The following YAE1 variants were observed in gnomAD, a reference collection of about 807,000 sequenced individuals.
YAE1 encodes the protein protein YAE1 homolog.
In YAE1, 22 loss-of-function variants were observed where a neutral mutation model predicts 23.0. The observed-to-expected ratio is 0.96, with a 90% CI of 0.68 to 1.37. The LOEUF (loss-of-function observed/expected upper bound fraction) is 1.37, where lower values mean the gene tolerates loss of function less well. Among genes scored for constraint, YAE1 ranks in the 40% most tolerant of loss-of-function variants. The probability of loss-of-function intolerance (pLI) is 0.00; values close to 1 mark genes in which losing one functional copy is unlikely to be tolerated. For synonymous variants in YAE1, 101 were observed against 97.0 expected (o/e 1.04, Z -0.24); for missense variants, 260 against 262.1 (o/e 0.99, Z 0.06).
chr7:39,593,380 T>G (rs1451582545), intron 2 of YAE1, among the ~76,000 whole-genome samples: 1 of 151,940 alleles, frequency 6.6e-6, no homozygotes, highest in Non-Finnish European at 1.5e-5. Context: ...AGATGGGGTT[T>G]TACCATGTAG....
intron 2 of YAE1, among the ~76,000 whole-genome samples, chr7:39,606,633 A>G (rs904690263): frequency 6.6e-6 from 1 of 152,228 alleles, no homozygotes; most frequent in African/African-American, 2.4e-5. Flanking sequence ...TGCACACACA[A>G]AAGGGTGTGC....
chr7:39,602,468 A>G (rs958220138), intron 2 of YAE1, among the ~76,000 whole-genome samples: 2 of 152,226 alleles, frequency 1.3e-5, no homozygotes, highest in Admixed American at 6.5e-5. Context: ...AGAACTCTTT[A>G]GCATCAGAAA....
intron 2 of YAE1, among the ~76,000 whole-genome samples, chr7:39,589,439 T>C (rs1254236119): frequency 1.3e-5 from 2 of 152,038 alleles, no homozygotes; most frequent in African/African-American, 4.8e-5. Flanking sequence ...GGCTAATTTT[T>C]TTAATTTTTG....
chr7:39,574,942 G>A (rs1407194475), downstream of YAE1, among the ~76,000 whole-genome samples: 1 of 152,088 alleles, frequency 6.6e-6, no homozygotes, highest in Non-Finnish European at 1.5e-5. Context: ...GACTGCAGAG[G>A]AATGTTAATG....
At chr7:39,578,074 T>C (rs1405594521) in intron 2 of YAE1, among the ~76,000 whole-genome samples, 1 of 150,936 alleles carries the variant, frequency 6.6e-6, no homozygotes, top group African/African-American at 2.4e-5. Flanking sequence ...GGTTTGTGAA[T>C]ACACCAATCA....
intron 2 of YAE1, among the ~76,000 whole-genome samples, chr7:39,603,389 C>G (rs2876861): frequency 0.026 from 3,952 of 152,178 alleles, 97 homozygotes; most frequent in East Asian, 0.11. Flanking sequence ...CCGCCTGCCT[C>G]GGCCTCCCAA....
intron 2 of YAE1, among the ~76,000 whole-genome samples, chr7:39,596,668 T>C (rs1790979368): frequency 6.6e-6 from 1 of 152,232 alleles, no homozygotes; most frequent in African/African-American, 2.4e-5. Context: ...TGTGCATATT[T>C]ACATTAAATT....
intron 2 of YAE1, among the ~76,000 whole-genome samples, chr7:39,578,168 C>G (rs1422709954): frequency 6.6e-6 from 1 of 151,822 alleles, no homozygotes; most frequent in Non-Finnish European, 1.5e-5. Context: ...AATCAGCACT[C>G]TGTGTCTAGT....
At chr7:39,600,499 G>T (rs1004903726) in intron 2 of YAE1, among the ~76,000 whole-genome samples, 41 of 152,258 alleles carry the variant, frequency 2.7e-4, no homozygotes, top group African/African-American at 9.4e-4. Flanking sequence ...ACAGGTTCAA[G>T]CGATTCTCCT....
intron 1 of YAE1, chr7:39,569,805 C>T (rs775455094): frequency 9.3e-6 from 7 of 755,788 alleles, no homozygotes; most frequent in African/African-American, 4.9e-5. Flanking sequence ...AATACTCTTC[C>T]ACTCTTTATC....
intron 2 of YAE1, among the ~76,000 whole-genome samples, chr7:39,586,732 C>T (rs1244232182): frequency 6.7e-6 from 1 of 149,600 alleles, no homozygotes; most frequent in Non-Finnish European, 1.5e-5. Flanking sequence ...CTCCTGACCT[C>T]GTGATCCGCT....
At chr7:39,572,960 G>A, downstream of YAE1, 1 of 971,140 alleles carries the variant, frequency 1.0e-6, no homozygotes, top group Non-Finnish European at 1.3e-6. Context: ...TTCCAAACTT[G>A]TGGTCAAAAT....
chr7:39,574,769 G>A (rs912425609), downstream of YAE1, among the ~76,000 whole-genome samples: 2 of 151,322 alleles, frequency 1.3e-5, no homozygotes, highest in Non-Finnish European at 2.9e-5. Flanking sequence ...GACAGCCATG[G>A]TGTTAAGTCC....
chr7:39,593,226 C>G (rs1434236611), intron 2 of YAE1, among the ~76,000 whole-genome samples: 2 of 109,402 alleles, frequency 1.8e-5, no homozygotes, highest in Non-Finnish European at 3.4e-5. Flanking sequence ...GCTTTGTCAC[C>G]CAGGCTGCAG....
chr7:39,584,896 T>C (rs958943369), intron 2 of YAE1, among the ~76,000 whole-genome samples: 1 of 152,172 alleles, frequency 6.6e-6, no homozygotes, highest in African/African-American at 2.4e-5. Context: ...GCATTTTCAC[T>C]TAGCACCCTC....
At chr7:39,572,191 T>C in intron 2 of YAE1, 86 bp from the exon 3 acceptor site, 1 of 1,345,474 alleles carries the variant, frequency 7.4e-7, no homozygotes, top group Non-Finnish European at 1.0e-6. Flanking sequence ...TATGATTAAG[T>C]CCAATCGTTT....
chr7:39,591,920 T>C (rs1399764493), intron 2 of YAE1, among the ~76,000 whole-genome samples: 1 of 152,236 alleles, frequency 6.6e-6, no homozygotes, highest in Admixed American at 6.5e-5. Context: ...TCACATACTG[T>C]AGTTGGAATC....
intron 2 of YAE1, among the ~76,000 whole-genome samples, chr7:39,599,372 T>C (rs529656237): frequency 6.6e-6 from 1 of 151,792 alleles, no homozygotes; most frequent in African/African-American, 2.4e-5. Flanking sequence ...TTTGTTTTGT[T>C]TTTTTGTTTT....
chr7:39,597,344 A>G (rs898756853), intron 2 of YAE1, among the ~76,000 whole-genome samples: 14 of 152,142 alleles, frequency 9.2e-5, no homozygotes, highest in Non-Finnish European at 2.1e-4. Context: ...TGGAAGTGAG[A>G]GGACTGCTTG....
Sources: allele counts gnomAD v4.1 joint callset (sites outside exome capture counted in the v4.1 genomes callset), GRCh38; gene constraint gnomAD v4.1.1; transcripts MANE v1.5; gene names NCBI Gene and HGNC (gene_info 2026-07-23, HGNC 2026-07-21).